Variants in CNTN4 observed in about 807,000 individuals in gnomAD.
The protein encoded by CNTN4 is contactin 4, also known as contactin-4.
Under a neutral mutation model 122.5 loss-of-function variants are expected in CNTN4, and 77 were observed. The ratio of observed to expected loss-of-function variants is 0.63; its 90% CI spans 0.52 to 0.76. The LOEUF is 0.76. Ranked by LOEUF, CNTN4 falls within the 30% of genes least tolerant of loss-of-function variation. The pLI is 0.00. For missense variants in CNTN4, 1,256 were observed against 1,259.1 expected (o/e 1.00, Z 0.04); for synonymous variants, 512 against 447.0 (o/e 1.15, Z -1.83).
At chr3:2,348,075 T>TTTGG (rs2044472059) in intron 3 of CNTN4, among the ~76,000 whole-genome samples, 3 of 152,218 alleles carry the variant, frequency 2.0e-5, no homozygotes, top group African/African-American at 7.2e-5. Flanking sequence ...CTTAGTGAAC[T>TTTGG]ACTTCCTTTC....
At chr3:2,224,415 C>G (rs908789763) in intron 2 of CNTN4, among the ~76,000 whole-genome samples, 1 of 152,188 alleles carries the variant, frequency 6.6e-6, no homozygotes, top group Non-Finnish European at 1.5e-5. Flanking sequence ...CTGGGAAAGA[C>G]GATAGTCTGT....
At chr3:2,275,937 A>AC (rs869073895) in intron 2 of CNTN4, among the ~76,000 whole-genome samples, 23 of 47,096 alleles carry the variant, frequency 4.9e-4, no homozygotes, top group African/African-American at 1.4e-3. Context: ...AAAAAAAAAA[A>AC]CAAAAAAAAA....
At chr3:2,889,547 G>T (rs1012595686) in intron 10 of CNTN4, among the ~76,000 whole-genome samples, 1 of 152,138 alleles carries the variant, frequency 6.6e-6, no homozygotes, top group South Asian at 2.1e-4. Context: ...ATTTTTAACT[G>T]TGTAGGGCTC....
chr3:2,810,978 T>G (rs2092591223), intron 6 of CNTN4, among the ~76,000 whole-genome samples: 1 of 151,136 alleles, frequency 6.6e-6, no homozygotes, highest in African/African-American at 2.4e-5. Flanking sequence ...ATTAAGGATT[T>G]CCATAGTGAT....
chr3:2,203,370 G>A (rs549462681), intron 2 of CNTN4, among the ~76,000 whole-genome samples: 2 of 152,132 alleles, frequency 1.3e-5, no homozygotes, highest in South Asian at 4.1e-4. Context: ...TGAGAAATGG[G>A]GTGCTACTAT....
intron 3 of CNTN4, among the ~76,000 whole-genome samples, chr3:2,404,679 C>G (rs2046970086): frequency 6.6e-6 from 1 of 152,164 alleles, no homozygotes; most frequent in Non-Finnish European, 1.5e-5. Flanking sequence ...CACCTTAATT[C>G]CATCTGCAAA....
intron 12 of CNTN4, 113 bp downstream of exon 12, chr3:2,903,118 T>G (rs2094193039): frequency 9.4e-7 from 1 of 1,058,490 alleles, no homozygotes. Flanking sequence ...AAGAAATCTT[T>G]AGGCCAAAGA....
At chr3:2,297,771 C>A (rs1009420533) in intron 2 of CNTN4, among the ~76,000 whole-genome samples, 2 of 152,054 alleles carry the variant, frequency 1.3e-5, no homozygotes, top group African/African-American at 4.8e-5. Context: ...ACTCTGTCAC[C>A]CAAGCTGGAG....
intron 3 of CNTN4, among the ~76,000 whole-genome samples, chr3:2,404,401 T>A (rs1477924318): frequency 6.6e-6 from 1 of 152,090 alleles, no homozygotes; most frequent in Non-Finnish European, 1.5e-5. Context: ...TTTTGCTGGT[T>A]TTTGGCTGGA....
chr3:2,559,619 C>T lies in CNTN4; in HGVS notation c.-88-11797C>T, dbSNP rs886631142. On this transcript the variant is annotated intron_variant, in intron 3 of 24. Coordinates refer to ENST00000418658, the MANE Select transcript of CNTN4 (RefSeq NM_175607.3). The stretch of plus-strand genomic sequence containing the variant: ...TTTATCACTTTATCATCTTTCATAC[C>T]TGAGACCCAGATTTGGGTGCAAAAG... Among the ~76,000 whole-genome samples the T allele has an allele frequency of 4.0e-5, 6 of 151,874 alleles. No individual in the cohort carries two copies. In the South Asian group the frequency reaches 6.2e-4, roughly 16 times the overall value.
intron 2 of CNTN4, among the ~76,000 whole-genome samples, chr3:2,101,318 A>G (rs2031934461): frequency 6.6e-6 from 1 of 152,210 alleles, no homozygotes; most frequent in East Asian, 1.9e-4. Context: ...TTAAAAAAAT[A>G]AAGCTGCTCA....
Position 3,026,248 on chromosome 3 carries a change from G to A in CNTN4, c.1633G>A (p.Asp545Asn), listed in dbSNP as rs368264759. 74 of 1,613,358 alleles carry A rather than the reference G, an allele frequency of 4.6e-5. No individual in the cohort carries two copies. In the Middle Eastern group the frequency reaches 8.2e-4, roughly 18 times the overall value. Reference protein sequence around the residue: ...FNGHLIDFDRDGDHFERVGGQ... With the variant: ...FNGHLIDFDRNGDHFERVGGQ... ...TGGACACCTGATAGACTTTGACAGAGATGGGGACCACTTTGAAAGAGTTGG... is the reference window on the plus strand; with the variant it reads ...TGGACACCTGATAGACTTTGACAGAAATGGGGACCACTTTGAAAGAGTTGG... Residue 545 changes from aspartate (D) to asparagine (N), a missense_variant, in exon 15 of 25, where the codon GAT (aspartate) becomes AAT (asparagine). By Grantham distance (23) the Asp-to-Asn change is conservative. Transcript: ENST00000418658.
chr3:2,881,979 A>T (rs1453579566), intron 8 of CNTN4, among the ~76,000 whole-genome samples: 2 of 152,260 alleles, frequency 1.3e-5, no homozygotes, highest in African/African-American at 2.4e-5. Flanking sequence ...TGAATCAAAG[A>T]TCATAAAAAC....
At chr3:2,155,833 T>C (rs1033699032) in intron 2 of CNTN4, among the ~76,000 whole-genome samples, 1 of 152,248 alleles carries the variant, frequency 6.6e-6, no homozygotes, top group African/African-American at 2.4e-5. Flanking sequence ...TTGTTCATCC[T>C]TAAGATCTCA....
chr3:3,020,596 T>C (rs1031559305), intron 14 of CNTN4, among the ~76,000 whole-genome samples: 2 of 152,156 alleles, frequency 1.3e-5, no homozygotes, highest in Admixed American at 6.5e-5. Flanking sequence ...TCCACCTGAA[T>C]ACCTCCAGAA....
At chr3:2,540,169 C>G (rs2077976984) in intron 3 of CNTN4, among the ~76,000 whole-genome samples, 1 of 151,794 alleles carries the variant, frequency 6.6e-6, no homozygotes, top group South Asian at 2.1e-4. Flanking sequence ...TCCATAGAAA[C>G]AATCATAAAT....
intron 7 of CNTN4, among the ~76,000 whole-genome samples, chr3:2,826,917 C>T (rs1377388961): frequency 6.6e-6 from 1 of 152,160 alleles, no homozygotes; most frequent in Non-Finnish European, 1.5e-5. Flanking sequence ...TTTCAGCTGC[C>T]TCCTTAGTCC....
chr3:2,546,285 G>C (rs1443294849), intron 3 of CNTN4, among the ~76,000 whole-genome samples: 1 of 148,260 alleles, frequency 6.7e-6, no homozygotes, highest in African/African-American at 2.5e-5. Flanking sequence ...ACTGGATAAA[G>C]AAAGTTTGGT....
At chr3:2,697,402 G>C (rs1040041683) in intron 4 of CNTN4, among the ~76,000 whole-genome samples, 1 of 152,114 alleles carries the variant, frequency 6.6e-6, no homozygotes, top group African/African-American at 2.4e-5. Context: ...CTGTCTCCCA[G>C]ACTTAAAGAG....
Sources: allele counts gnomAD v4.1 joint callset (sites outside exome capture counted in the v4.1 genomes callset), GRCh38; gene constraint gnomAD v4.1.1; transcripts MANE v1.5; gene names NCBI Gene and HGNC (gene_info 2026-07-23, HGNC 2026-07-21).